The following ROR1 variants were observed in gnomAD, a reference collection of about 807,000 sequenced individuals.
The protein encoded by ROR1 is inactive tyrosine-protein kinase transmembrane receptor ROR1.
ROR1 carries 19 observed loss-of-function variants against 78.8 expected under a neutral mutation model. The observed-to-expected ratio is 0.24, with a 90% CI of 0.17 to 0.35. ROR1 has a LOEUF of 0.35. Ranked by LOEUF, ROR1 falls within the 10% of genes least tolerant of loss-of-function variation. The probability of loss-of-function intolerance (pLI) is 1.00; values close to 1 mark genes in which losing one functional copy is unlikely to be tolerated. For synonymous variants in ROR1, 386 were observed against 433.6 expected (o/e 0.89, Z 1.36); for missense variants, 917 against 1,177.8 (o/e 0.78, Z 3.24).
At chr1:63,969,870 T>C (rs1460740461) in intron 1 of ROR1, among the ~76,000 whole-genome samples, 2 of 152,154 alleles carry the variant, frequency 1.3e-5, no homozygotes, top group African/African-American at 4.8e-5. Flanking sequence ...GCACAGTGCC[T>C]CCTGCCTGGC....
At chr1:63,834,749 T>C (rs891289249) in intron 1 of ROR1, among the ~76,000 whole-genome samples, 1 of 152,170 alleles carries the variant, frequency 6.6e-6, no homozygotes, top group Non-Finnish European at 1.5e-5. Context: ...GCTTTGTGCA[T>C]TGGTTCCAAG....
intron 1 of ROR1, among the ~76,000 whole-genome samples, chr1:63,870,551 T>C (rs1645244999): frequency 1.3e-5 from 2 of 152,184 alleles, no homozygotes; most frequent in Admixed American, 6.6e-5. Context: ...ACATTATTAC[T>C]CTGAGTAGAC....
intron 1 of ROR1, among the ~76,000 whole-genome samples, chr1:63,883,931 G>A (rs1645340134): frequency 6.6e-6 from 1 of 152,162 alleles, no homozygotes; most frequent in Non-Finnish European, 1.5e-5. Context: ...GCTGAGCAGA[G>A]ATCCAGCTCC....
intron 1 of ROR1, among the ~76,000 whole-genome samples, chr1:63,835,578 G>A (rs2100305051): frequency 6.6e-6 from 1 of 152,322 alleles, no homozygotes; most frequent in African/African-American, 2.4e-5. Context: ...GGAGGATACT[G>A]AGATGATTCA....
chr1:63,810,762 C>T (rs575404699), intron 1 of ROR1, among the ~76,000 whole-genome samples: 59 of 152,250 alleles, frequency 3.9e-4, no homozygotes, highest in Admixed American at 1.2e-3. Flanking sequence ...AGCTGGAACA[C>T]GGGTTTTGGG....
At chr1:63,863,634 A>G (rs749972946) in intron 1 of ROR1, among the ~76,000 whole-genome samples, 11 of 152,242 alleles carry the variant, frequency 7.2e-5, no homozygotes, top group Non-Finnish European at 1.3e-4. Flanking sequence ...AAGGAAAGCT[A>G]TTAATCTGAT....
At chr1:64,094,936 C>T (rs1438764756) in intron 4 of ROR1, 3 of 152,174 alleles carry the variant, frequency 2.0e-5, no homozygotes, top group African/African-American at 7.2e-5. Flanking sequence ...CCAAACAATC[C>T]TACTGACTAT....
At chr1:63,968,102 T>C (rs981664754) in intron 1 of ROR1, among the ~76,000 whole-genome samples, 2 of 152,122 alleles carry the variant, frequency 1.3e-5, no homozygotes, top group African/African-American at 4.8e-5. Context: ...ATGGTAAGAA[T>C]TTTTTCTGTC....
chr1:64,169,688 G>C (rs965158449), intron 8 of ROR1, among the ~76,000 whole-genome samples: 5 of 152,274 alleles, frequency 3.3e-5, no homozygotes, highest in African/African-American at 1.2e-4. Context: ...GAAGTCCACA[G>C]TCCAAAGTCT....
intron 1 of ROR1, among the ~76,000 whole-genome samples, chr1:63,920,549 G>A (rs1333306627): frequency 2.6e-5 from 4 of 152,170 alleles, no homozygotes; most frequent in Admixed American, 2.6e-4. Context: ...CCACCACCAT[G>A]ATTCATTACT....
intron 4 of ROR1, among the ~76,000 whole-genome samples, chr1:64,126,097 C>T (rs889335701): frequency 2.0e-5 from 3 of 151,976 alleles, no homozygotes; most frequent in Non-Finnish European, 2.9e-5. Flanking sequence ...AAGACTGAAC[C>T]GAAACTGGAA....
rs1025117655 is a variant in ROR1, at chr1:63,920,754, C to T, written c.92-88551C>T. On this transcript the variant is annotated intron_variant, in intron 1 of 8. Transcript: ENST00000371079. ...ATTTTTTTATGCATTACAAAGTATG[C>T]TTCAGAGTGTCTATTTCTTAAGATA... Among the ~76,000 whole-genome samples the T allele has an allele frequency of 1.3e-4, 20 of 152,196 alleles. 1 individual carries two copies. The highest frequency in any genetic ancestry group is 3.9e-4 in the African/African-American group (16 of 41,452).
chr1:63,896,109 T>G (rs1223198616), intron 1 of ROR1, among the ~76,000 whole-genome samples: 3 of 152,116 alleles, frequency 2.0e-5, no homozygotes, highest in African/African-American at 7.2e-5. Context: ...TGCTTCCTCC[T>G]TAACCAAAAA....
intron 4 of ROR1, among the ~76,000 whole-genome samples, chr1:64,074,598 G>A (rs1647034806): frequency 6.6e-6 from 1 of 152,198 alleles, no homozygotes; most frequent in African/African-American, 2.4e-5. Context: ...ATAGAGGCAG[G>A]GAAAATGCCA....
At chr1:64,090,062 G>C (rs528158665) in intron 4 of ROR1, among the ~76,000 whole-genome samples, 39 of 152,152 alleles carry the variant, frequency 2.6e-4, no homozygotes, top group African/African-American at 9.4e-4. Context: ...GACCTCCCTA[G>C]CCACTTGGAA....
chr1:63,973,480 T>C (rs1284989859), intron 1 of ROR1, among the ~76,000 whole-genome samples: 1 of 152,154 alleles, frequency 6.6e-6, no homozygotes, highest in East Asian at 1.9e-4. Context: ...ACAGAATCCG[T>C]GACAATCTGT....
Position 64,177,900 on chromosome 1 carries a change from A to G in ROR1, c.1859A>G (p.Asn620Ser), listed in dbSNP as rs754019666. The change falls in exon 9 of 9, where the codon AAT becomes AGT. Residue 620 changes from asparagine to serine, a missense_variant. By Grantham distance (46) the Asn-to-Ser change is conservative. This residue lies in a region of ROR1 where 835 missense variants were observed against 1,069.8 expected (regional missense o/e 0.78). Coordinates refer to ENST00000371079, the MANE Select transcript of ROR1 (RefSeq NM_005012.4). The part of the protein sequence containing the change: ...FFVHKDLAAR[N>S]ILIGEQLHVK... ...GTCCACAAGGACCTTGCAGCTCGCA[A>G]TATTTTAATCGGAGAGCAACTTCAT... 3.7e-6 allele frequency: 6 copies of G among 1,614,222 alleles called. No individual in the cohort carries two copies. In the Admixed American group the frequency reaches 8.3e-5, roughly 22 times the overall value.
At chr1:63,911,986 G>A (rs1001238575) in intron 1 of ROR1, among the ~76,000 whole-genome samples, 1 of 152,036 alleles carries the variant, frequency 6.6e-6, no homozygotes, top group African/African-American at 2.4e-5. Context: ...ATACAAAGGC[G>A]AATTAAGATG....
chr1:63,838,312 A>C (rs1439584894), intron 1 of ROR1, among the ~76,000 whole-genome samples: 1 of 151,890 alleles, frequency 6.6e-6, no homozygotes, highest in Non-Finnish European at 1.5e-5. Context: ...CAGGTCCTTC[A>C]GGAGGTATTT....
Sources: gnomAD v4.1 joint callset for allele counts (sites outside exome capture counted in the v4.1 genomes callset) on GRCh38, gnomAD v4.1.1 for gene constraint, gnomAD v4.1.1 regional missense constraint, MANE v1.5 for transcripts, NCBI Gene and HGNC (gene_info 2026-07-23, HGNC 2026-07-21) for gene names.